STXBP6: variants seen among roughly 807,000 people sequenced by gnomAD.
The protein encoded by STXBP6 is syntaxin-binding protein 6.
Under a neutral mutation model 26.9 loss-of-function variants are expected in STXBP6, and 21 were observed. That is an observed-to-expected ratio of 0.78 (90% CI 0.55 to 1.12). The LOEUF (loss-of-function observed/expected upper bound fraction) is 1.12, where lower values mean the gene tolerates loss of function less well. STXBP6 is among the 50% of genes most tolerant of loss of function. The pLI is 0.00. For missense variants in STXBP6, 232 were observed against 257.9 expected, an observed-to-expected ratio of 0.90 and a Z score of 0.69; for synonymous variants, 97 against 92.6, an observed-to-expected ratio of 1.05 and a Z score of -0.27.
intron 2 of STXBP6, among the ~76,000 whole-genome samples, chr14:24,861,226 G>A (rs2069527879): frequency 6.6e-6 from 1 of 152,120 alleles, no homozygotes; most frequent in African/African-American, 2.4e-5. Context: ...GTATGCCTCA[G>A]CTCTCTGCTC....
At chr14:24,841,078 C>T (rs1039017476) in intron 4 of STXBP6, among the ~76,000 whole-genome samples, 2 of 152,198 alleles carry the variant, frequency 1.3e-5, no homozygotes, top group Non-Finnish European at 2.9e-5. Flanking sequence ...ACACTCCACT[C>T]CTACCCTTTG....
intron 1 of STXBP6, among the ~76,000 whole-genome samples, chr14:25,043,190 C>T (rs1198358990): frequency 6.6e-6 from 1 of 152,174 alleles, no homozygotes; most frequent in East Asian, 1.9e-4. Context: ...TGAAAACGAT[C>T]CCACTGACTC....
chr14:25,030,369 C>A (rs1044611253), intron 1 of STXBP6, among the ~76,000 whole-genome samples: 4 of 152,248 alleles, frequency 2.6e-5, no homozygotes, highest in African/African-American at 9.6e-5. Flanking sequence ...ACCAGGAGAG[C>A]CTGGCCACTT....
intron 1 of STXBP6, among the ~76,000 whole-genome samples, chr14:25,045,007 ATAAG>A (rs1256573829): frequency 6.6e-6 from 1 of 152,236 alleles, no homozygotes; most frequent in East Asian, 1.9e-4. Flanking sequence ...GAAATAAAAA[ATAAG>A]TAACCACTTA....
intron 4 of STXBP6, among the ~76,000 whole-genome samples, chr14:24,838,188 T>A (rs767948315): frequency 7.9e-5 from 12 of 152,140 alleles, no homozygotes; most frequent in Non-Finnish European, 1.6e-4. Context: ...TTTTTGTACT[T>A]TTTGTAGAGA....
intron 4 of STXBP6, among the ~76,000 whole-genome samples, chr14:24,825,422 A>C (rs1184978595): frequency 1.3e-5 from 2 of 152,212 alleles, no homozygotes; most frequent in Non-Finnish European, 2.9e-5. Context: ...GCTAATTTCA[A>C]GGACCAAGAA....
intron 2 of STXBP6, among the ~76,000 whole-genome samples, chr14:24,957,541 C>T (rs144817688): frequency 2.9e-3 from 440 of 152,308 alleles, no homozygotes; most frequent in African/African-American, 0.01. Context: ...TAACTGACAA[C>T]TTTTATTCTT....
At chr14:24,874,951 G>A (rs758824484) in intron 2 of STXBP6, among the ~76,000 whole-genome samples, 1 of 152,092 alleles carries the variant, frequency 6.6e-6, no homozygotes, top group African/African-American at 2.4e-5. Context: ...ATCATTCCTC[G>A]CCTGCTCCAT....
intron 1 of STXBP6, among the ~76,000 whole-genome samples, chr14:25,020,658 C>T (rs1490753240): frequency 6.6e-6 from 1 of 152,208 alleles, no homozygotes; most frequent in Admixed American, 6.5e-5. Flanking sequence ...CCTTTGACTA[C>T]AATATCCTCA....
At chr14:24,957,411 G>A (rs2073379395) in intron 2 of STXBP6, among the ~76,000 whole-genome samples, 1 of 152,198 alleles carries the variant, frequency 6.6e-6, no homozygotes, top group Admixed American at 6.5e-5. Flanking sequence ...CCTAATGTGT[G>A]TCAAGCTCCT....
intron 2 of STXBP6, among the ~76,000 whole-genome samples, chr14:24,868,877 G>A (rs1321436765): frequency 1.3e-5 from 2 of 152,204 alleles, no homozygotes; most frequent in South Asian, 2.1e-4. Flanking sequence ...GGTCAGTCAC[G>A]AAGTCCCAGG....
rs1485391547 is a variant in STXBP6, at chr14:24,857,096, T to G, written c.216A>C (p.Thr72=). The G allele has an allele frequency of 3.1e-6, 5 of 1,613,042 alleles. No individual in the cohort carries two copies. The highest frequency in any genetic ancestry group is 4.2e-6 in the Non-Finnish European group (5 of 1,179,256). Residue 72 remains threonine, a synonymous_variant, in exon 3 of 6, where the codon ACA becomes ACC. Transcript: ENST00000323944. The stretch of plus-strand genomic sequence containing the variant: ...TCCACTGTGATCTCCGAACAAATGA[T>G]GTGGAGCCTTCAAACTGTTTGACCT... The part of the protein sequence containing the change: ...ITKVKQFEGS[T]SFVRRSQWML...
chr14:24,972,924 C>G (rs1332204284), intron 2 of STXBP6, among the ~76,000 whole-genome samples: 1 of 152,122 alleles, frequency 6.6e-6, no homozygotes, highest in Admixed American at 6.5e-5. Context: ...CGAGACCAGC[C>G]TAGGCAACAG....
intron 2 of STXBP6, among the ~76,000 whole-genome samples, chr14:24,955,290 C>T (rs1052346351): frequency 3.0e-4 from 46 of 152,142 alleles, no homozygotes; most frequent in African/African-American, 1.1e-3. Context: ...GGATGGCTAC[C>T]CTGCTTCACC....
chr14:25,001,595 C>G (rs112583732), intron 1 of STXBP6, among the ~76,000 whole-genome samples: 4,472 of 152,296 alleles, frequency 0.029, 229 homozygotes, highest in African/African-American at 0.1. Context: ...GAGTTTCAAT[C>G]TCTCTGCTTA....
intron 2 of STXBP6, among the ~76,000 whole-genome samples, chr14:24,857,776 A>G (rs1465269915): frequency 6.6e-6 from 1 of 151,878 alleles, no homozygotes; most frequent in East Asian, 1.9e-4. Flanking sequence ...CACCTGTAGG[A>G]AAAGGACAAT....
intron 1 of STXBP6, among the ~76,000 whole-genome samples, chr14:24,997,508 A>AT (rs2074635568): frequency 6.6e-6 from 1 of 151,958 alleles, no homozygotes; most frequent in South Asian, 2.1e-4. Flanking sequence ...TACTGTATGT[A>AT]TTTGTTTCCC....
intron 2 of STXBP6, among the ~76,000 whole-genome samples, chr14:24,858,683 AATTCG>A (rs1260144180): frequency 6.6e-6 from 1 of 152,050 alleles, no homozygotes; most frequent in African/African-American, 2.4e-5. Context: ...CTATCCATTT[AATTCG>A]ATTCATTTAT....
chr14:24,868,042 C>T (rs1457564816), intron 2 of STXBP6, among the ~76,000 whole-genome samples: 5 of 151,932 alleles, frequency 3.3e-5, no homozygotes, highest in Non-Finnish European at 7.4e-5. Context: ...ACAAAAAATA[C>T]AGGAACCAGC....
Sources: gnomAD v4.1 joint callset for allele counts (sites outside exome capture counted in the v4.1 genomes callset) on GRCh38, gnomAD v4.1.1 for gene constraint, MANE v1.5 for transcripts, NCBI Gene and HGNC (gene_info 2026-07-23, HGNC 2026-07-21) for gene names.